Variants in CHSY1 observed in about 807,000 individuals in gnomAD.
CHSY1 encodes the protein N-acetylgalactosaminyl-proteoglycan 3-beta-glucuronosyltransferase 1.
CHSY1 carries 13 observed loss-of-function variants against 59.8 expected under a neutral mutation model. The ratio of observed to expected loss-of-function variants is 0.22; its 90% CI spans 0.14 to 0.35. The LOEUF is 0.35. CHSY1 is among the 10% of genes least tolerant of loss of function. The pLI is 1.00. For synonymous variants in CHSY1, 459 were observed against 401.2 expected, an observed-to-expected ratio of 1.14 and a Z score of -1.72; for missense variants, 947 against 1,030.6, an observed-to-expected ratio of 0.92 and a Z score of 1.11.
Position 101,178,918 on chromosome 15 carries a change from A to G in CHSY1, c.879T>C (p.His293=), listed in dbSNP as rs748339078. Residue 293 remains histidine (H), a synonymous_variant, in exon 3 of 3, where the codon CAT becomes CAC. Coordinates refer to ENST00000254190, the MANE Select transcript of CHSY1 (RefSeq NM_014918.5). ...QNKKGYIRDL[H]NSKIHQAITL... ...TGATAGCTTGGTGAATTTTACTGTT[A>G]TGGAGATCTCTAATGTACCCCTTTT... 3.7e-6 allele frequency: 6 copies of G among 1,614,018 alleles called. No individual in the cohort carries two copies. The South Asian group carries it at 5.5e-5, about 15-fold the overall frequency.
rs146619201 is a variant in CHSY1, at chr15:101,238,915, G to A, written c.321-3338C>T. Among the ~76,000 whole-genome samples, 487 of 152,202 alleles carry A rather than the reference G, an allele frequency of 3.2e-3. 2 individuals are homozygous for A. Among genetic ancestry groups the A allele is most frequent in the African/African-American group, 0.011 (463 of 41,508 alleles). On this transcript the variant is annotated intron_variant, in intron 1 of 2. Transcript: ENST00000254190. ...AGAAAAACCAATCCCACCTACAAAG[G>A]GACAAGTCCTTTTGCAAATGCGACA...
intron 2 of CHSY1, among the ~76,000 whole-genome samples, chr15:101,233,090 G>C (rs1057350336): frequency 1.3e-5 from 2 of 152,214 alleles, no homozygotes; most frequent in African/African-American, 4.8e-5. Flanking sequence ...AAGCCTCAGA[G>C]GGGGCTCCAA....
At chr15:101,188,896 C>T (rs576525811) in intron 2 of CHSY1, among the ~76,000 whole-genome samples, 1 of 152,254 alleles carries the variant, frequency 6.6e-6, no homozygotes, top group South Asian at 2.1e-4. Flanking sequence ...CTTCCCTTCA[C>T]AAACATCTGA....
chr15:101,235,168 G>C lies in CHSY1; in HGVS notation c.730C>G (p.Arg244Gly). 6.2e-7 allele frequency: 1 copy of C among 1,614,058 alleles called. No homozygotes were observed. The highest frequency in any genetic ancestry group is 8.5e-7 in the Non-Finnish European group (1 of 1,180,014). Residue 244 changes from arginine to glycine, a missense_variant, in exon 2 of 3, where the codon CGG becomes GGG. By Grantham distance (125) the Arg-to-Gly change is moderately radical. Coordinates refer to ENST00000254190, the MANE Select transcript of CHSY1 (RefSeq NM_014918.5). ...RMVPHIGKCL[R>G]EMYTTHEDVE... Reference sequence around the variant, plus strand: ...TCCTCATGGGTGGTGTACATCTCCCGGAGACACTTGCCAATGTGCGGCACC... The same window carrying C: ...TCCTCATGGGTGGTGTACATCTCCCCGAGACACTTGCCAATGTGCGGCACC...
intron 1 of CHSY1, among the ~76,000 whole-genome samples, chr15:101,243,366 ATACT>A (rs1323443828): frequency 3.3e-5 from 5 of 152,232 alleles, no homozygotes; most frequent in Non-Finnish European, 7.3e-5. Context: ...TATGCGACTA[ATACT>A]TAATGATCCA....
At chr15:101,195,918 CCAGT>C (rs1031567660) in intron 2 of CHSY1, among the ~76,000 whole-genome samples, 15 of 151,504 alleles carry the variant, frequency 9.9e-5, no homozygotes, top group African/African-American at 3.4e-4. Context: ...TGTCGACACC[CCAGT>C]TAGTTAATAT....
chr15:101,224,776 C>T (rs329292), intron 2 of CHSY1, among the ~76,000 whole-genome samples: 127,800 of 152,226 alleles, frequency 0.84, 54,219 homozygotes, highest in African/African-American at 0.94. Flanking sequence ...CAGACAACAC[C>T]GCCTGAGGTG....
chr15:101,247,735 C>T (rs549017273), intron 1 of CHSY1, among the ~76,000 whole-genome samples: 222 of 152,262 alleles, frequency 1.5e-3, no homozygotes, highest in Middle Eastern at 0.01. Context: ...GCTGTCACTG[C>T]CCTGCTATAT....
In CHSY1 at chr15:101,229,216, C is replaced by A. The variant is rs576075530; in HGVS notation, c.816+5866G>T. On this transcript the variant is annotated intron_variant, in intron 2 of 2. Transcript: ENST00000254190. Reference sequence around the variant, plus strand: ...ATGGCAGAGATAAGTCCTCCTCTATCAGTAATTATATTAAATGCAAATTAA... The same window carrying A: ...ATGGCAGAGATAAGTCCTCCTCTATAAGTAATTATATTAAATGCAAATTAA... 5.3e-5 allele frequency among the ~76,000 whole-genome samples: 8 copies of A among 152,310 alleles called. No individual in the cohort carries two copies. The South Asian group carries it at 1.4e-3, about 28-fold the overall frequency.
In CHSY1 at chr15:101,177,351, A is replaced by G. The variant is rs769734489; in HGVS notation, c.*37T>C. 1 of 1,585,250 alleles carries G rather than the reference A, an allele frequency of 6.3e-7. No individual in the cohort carries two copies. Among genetic ancestry groups the G allele is most frequent in the Non-Finnish European group, 8.5e-7 (1 of 1,169,954 alleles). On this transcript the variant is annotated 3_prime_UTR_variant, in exon 3 of 3. Transcript: ENST00000254190. Reference sequence around the variant, plus strand: ...ACAAAAAATTTTTGAAAAATAAATTAGATAATTAAAAACGTCTTTTCCAGC... The same window carrying G: ...ACAAAAAATTTTTGAAAAATAAATTGGATAATTAAAAACGTCTTTTCCAGC...
intron 2 of CHSY1, among the ~76,000 whole-genome samples, chr15:101,223,225 T>C (rs2038808349): frequency 2.0e-5 from 3 of 152,120 alleles, no homozygotes; most frequent in Admixed American, 1.3e-4. Flanking sequence ...GAACTCCTGA[T>C]CTCAGGTGAT....
intron 1 of CHSY1, among the ~76,000 whole-genome samples, chr15:101,237,066 AT>A (rs1361568080): frequency 2.0e-5 from 3 of 147,088 alleles, no homozygotes; most frequent in Non-Finnish European, 3.0e-5. Flanking sequence ...AAAAAAAAAA[AT>A]ACAAAATTTA....
chr15:101,194,177 GAGTTA>G (rs1249961565), intron 2 of CHSY1, among the ~76,000 whole-genome samples: 1 of 152,222 alleles, frequency 6.6e-6, no homozygotes, highest in Non-Finnish European at 1.5e-5. Flanking sequence ...AGTGACAGTA[GAGTTA>G]AGTAATCTAA....
chr15:101,183,121 A>C (rs1019215050), intron 2 of CHSY1, among the ~76,000 whole-genome samples: 4 of 152,182 alleles, frequency 2.6e-5, no homozygotes. Flanking sequence ...ATAAAACTGA[A>C]GAAATCCCTA....
At chr15:101,208,896 C>T (rs1000503378) in intron 2 of CHSY1, among the ~76,000 whole-genome samples, 6 of 152,148 alleles carry the variant, frequency 3.9e-5, no homozygotes, top group African/African-American at 1.2e-4. Context: ...AAGGAACAAG[C>T]TTTTCCTTAC....
chr15:101,204,472 G>A (rs34413337), intron 2 of CHSY1, among the ~76,000 whole-genome samples: 6,096 of 140,472 alleles, frequency 0.043, 201 homozygotes, highest in Non-Finnish European at 0.071. Flanking sequence ...TAATAATAAT[G>A]TACACTTATA....
At position 101,241,357 on chromosome 15, in the gene CHSY1, G is replaced by A. The variant is rs569157279; in HGVS notation, c.321-5780C>T. On this transcript the variant is annotated intron_variant, in intron 1 of 2. Coordinates refer to ENST00000254190, the MANE Select transcript of CHSY1 (RefSeq NM_014918.5). ...GCCCACCTCGGCCTCCCAAAGGGCTGGGATTACCGGCGGAAGCCATTGCGC... is the reference window on the plus strand; with the variant it reads ...GCCCACCTCGGCCTCCCAAAGGGCTAGGATTACCGGCGGAAGCCATTGCGC... Among the ~76,000 whole-genome samples, 3 of 152,342 alleles carry A rather than the reference G, an allele frequency of 2.0e-5. No homozygotes were observed. The East Asian group carries it at 5.8e-4, about 29-fold the overall frequency.
intron 1 of CHSY1, among the ~76,000 whole-genome samples, chr15:101,237,679 T>G (rs2038960664): frequency 6.6e-6 from 1 of 152,238 alleles, no homozygotes; most frequent in Non-Finnish European, 1.5e-5. Context: ...AAAGGCTGCT[T>G]CTGCTGAGCA....
intron 2 of CHSY1, among the ~76,000 whole-genome samples, chr15:101,190,305 C>T (rs546569963): frequency 1.3e-5 from 2 of 152,280 alleles, no homozygotes; most frequent in South Asian, 4.1e-4. Flanking sequence ...CTTTAAATTC[C>T]ATAGTGTCAA....
Sources: allele counts gnomAD v4.1 joint callset (sites outside exome capture counted in the v4.1 genomes callset), GRCh38; gene constraint gnomAD v4.1.1; transcripts MANE v1.5; gene names NCBI Gene and HGNC (gene_info 2026-07-23, HGNC 2026-07-21).